FUT8: variants seen among roughly 807,000 people sequenced by gnomAD.
FUT8 encodes fucosyltransferase 8.
FUT8 carries 29 observed loss-of-function variants against 71.3 expected under a neutral mutation model. The ratio of observed to expected loss-of-function variants is 0.41; its 90% CI spans 0.30 to 0.55. The LOEUF (loss-of-function observed/expected upper bound fraction) is 0.55. FUT8 is among the 20% of genes least tolerant of loss of function. The pLI, the probability that FUT8 is intolerant of heterozygous loss-of-function variation, is 0.34. For synonymous variants in FUT8, 254 were observed against 239.3 expected (o/e 1.06, Z -0.57); for missense variants, 544 against 702.1 (o/e 0.77, Z 2.55).
chr14:65,709,824 G>A (rs1356853408), intron 7 of FUT8, among the ~76,000 whole-genome samples: 1 of 152,128 alleles, frequency 6.6e-6, no homozygotes, highest in African/African-American at 2.4e-5. Context: ...CTCATGGTGT[G>A]GCCCATACTC....
chr14:65,565,666 G>A (rs932243893), intron 3 of FUT8, among the ~76,000 whole-genome samples: 3 of 151,758 alleles, frequency 2.0e-5, no homozygotes, highest in South Asian at 4.1e-4. Context: ...CTCCTACCCA[G>A]CATTTGCTAT....
chr14:65,403,950 T>C, the FUT8 span, among the ~76,000 whole-genome samples: 2 of 152,024 alleles, frequency 1.3e-5, no homozygotes, highest in African/African-American at 4.8e-5. Context: ...CAGGCTGGAG[T>C]GCAATGGCAT....
intron 3 of FUT8, among the ~76,000 whole-genome samples, chr14:65,596,319 G>A (rs1234745368): frequency 6.6e-6 from 1 of 152,192 alleles, no homozygotes; most frequent in Non-Finnish European, 1.5e-5. Flanking sequence ...TTATTTGGAT[G>A]TGAGTGTGTA....
intron 3 of FUT8, among the ~76,000 whole-genome samples, chr14:65,601,318 C>T (rs1223526483): frequency 6.6e-6 from 1 of 152,154 alleles, no homozygotes; most frequent in Non-Finnish European, 1.5e-5. Flanking sequence ...TAAAGCTTGA[C>T]ATTTGAATAA....
Position 65,619,198 on chromosome 14 carries a change from T to TA in FUT8, c.482+2828dup, listed in dbSNP as rs745441467. On this transcript the variant is annotated intron_variant, in intron 5 of 10. Coordinates refer to ENST00000673929, the MANE Select transcript of FUT8 (RefSeq NM_001371533.1). ...TAGTAGTAGTAATACTAAGGGCAGC[T>TA]AAAGTTGCTGGTTTTTGAGAACTAC... is the stretch of plus-strand genomic sequence containing the variant. Among the ~76,000 whole-genome samples the TA allele has an allele frequency of 7.2e-5, 11 of 152,318 alleles. No homozygotes were observed. The East Asian group carries it at 1.9e-3, about 27-fold the overall frequency.
intron 7 of FUT8, among the ~76,000 whole-genome samples, chr14:65,678,051 A>G (rs1892853562): frequency 6.6e-6 from 1 of 152,196 alleles, no homozygotes; most frequent in Non-Finnish European, 1.5e-5. Context: ...TGTTCTGTGT[A>G]CCTTACAGAG....
intron 3 of FUT8, among the ~76,000 whole-genome samples, chr14:65,568,090 C>T (rs1886289171): frequency 6.6e-6 from 1 of 151,674 alleles, no homozygotes; most frequent in Non-Finnish European, 1.5e-5. Context: ...TGGATTTCAT[C>T]TCTTTAATAT....
rs746192000 is a variant in FUT8, at chr14:65,724,306, A to G, written c.1242A>G (p.Leu414=). 1.9e-6 allele frequency: 3 copies of G among 1,604,808 alleles called. No homozygotes were observed. Among genetic ancestry groups the G allele is most frequent in the Non-Finnish European group, 2.5e-6 (3 of 1,176,618 alleles). ...VYLATDDPSL[L]KEAKTKYPNY... ...TGGCCACAGATGACCCTTCTTTATT[A>G]AAGGAGGCAAAAACAAAGTAAGTTA... Residue 414 remains leucine (L), a synonymous_variant, in exon 9 of 11, where the codon TTA becomes TTG. Coordinates refer to ENST00000673929, the MANE Select transcript of FUT8 (RefSeq NM_001371533.1).
At chr14:65,612,735 T>C (rs2140210150) in intron 3 of FUT8, among the ~76,000 whole-genome samples, 1 of 152,378 alleles carries the variant, frequency 6.6e-6, no homozygotes, top group Non-Finnish European at 1.5e-5. Flanking sequence ...CACAGGGCTA[T>C]CATCATTTGT....
chr14:65,673,570 G>C (rs554889773), intron 7 of FUT8, among the ~76,000 whole-genome samples: 237 of 152,318 alleles, frequency 1.6e-3, no homozygotes, highest in Non-Finnish European at 2.4e-3. Context: ...GGGACATGGT[G>C]GAAGAATTTT....
chr14:65,658,007 C>T (rs552937185), intron 6 of FUT8, among the ~76,000 whole-genome samples: 1 of 152,080 alleles, frequency 6.6e-6, no homozygotes, highest in East Asian at 1.9e-4. Context: ...TTACCAGCAA[C>T]CCCGTTAAAG....
chr14:65,479,016 C>T (rs762109291), intron 2 of FUT8, among the ~76,000 whole-genome samples: 1 of 152,036 alleles, frequency 6.6e-6, no homozygotes, highest in Non-Finnish European at 1.5e-5. Context: ...TTAAAACATC[C>T]CCTTTAGCTT....
chr14:65,363,004 T>A, the FUT8 span, among the ~76,000 whole-genome samples: 1 of 66,802 alleles, frequency 1.5e-5, no homozygotes, highest in Non-Finnish European at 2.6e-5. Context: ...TCTGTCCTCA[T>A]AAATGAGACT....
chr14:65,396,484 C>T, the FUT8 span, among the ~76,000 whole-genome samples: 1 of 152,314 alleles, frequency 6.6e-6, no homozygotes, highest in East Asian at 1.9e-4. The surrounding 1 kb of genome is among the most constrained non-coding windows in gnomAD (Gnocchi z 5.5). Flanking sequence ...AACGGGGTTT[C>T]CCCTTATAAA....
chr14:65,369,777 A>G, the FUT8 span, among the ~76,000 whole-genome samples: 2 of 152,194 alleles, frequency 1.3e-5, no homozygotes, highest in Non-Finnish European at 2.9e-5. This position sits in a 1 kb window ranked among gnomAD's most constrained non-coding sequence, Gnocchi z 4.6. Context: ...TTCTCAGGAA[A>G]CTCATGAATA....
intron 2 of FUT8, among the ~76,000 whole-genome samples, chr14:65,478,705 A>G (rs868523894): frequency 1.3e-5 from 2 of 152,222 alleles, no homozygotes; most frequent in Non-Finnish European, 2.9e-5. Flanking sequence ...TTTGCCAACT[A>G]GAAACCACCT....
intron 6 of FUT8, among the ~76,000 whole-genome samples, chr14:65,659,544 G>T (rs879477984): frequency 2.6e-5 from 4 of 152,146 alleles, no homozygotes; most frequent in Non-Finnish European, 5.9e-5. Flanking sequence ...TTTTCCTTTT[G>T]CAAGTACTTC....
At chr14:65,357,862 GGCATAAATTT>G in the FUT8 span, among the ~76,000 whole-genome samples, 5 of 152,326 alleles carry the variant, frequency 3.3e-5, no homozygotes, top group South Asian at 1.0e-3. Flanking sequence ...GACTAGAGAA[GGCATAAATTT>G]GCAATTTAAT....
chr14:65,427,216 C>T (rs2065403503), intron 1 of FUT8, among the ~76,000 whole-genome samples: 1 of 152,138 alleles, frequency 6.6e-6, no homozygotes, highest in Non-Finnish European at 1.5e-5. Context: ...TACGTTGACT[C>T]CATATCTTAG....
Sources: allele counts gnomAD v4.1 joint callset (sites outside exome capture counted in the v4.1 genomes callset), GRCh38; gene constraint gnomAD v4.1.1; non-coding constraint Gnocchi (gnomAD v3.1); transcripts MANE v1.5; gene names NCBI Gene and HGNC (gene_info 2026-07-23, HGNC 2026-07-21).